APBB2: variants seen among roughly 807,000 people sequenced by gnomAD.
APBB2 encodes amyloid beta precursor protein binding family B member 2.
APBB2 carries 38 observed loss-of-function variants against 82.5 expected under a neutral mutation model. The observed-to-expected ratio is 0.46, with a 90% CI of 0.36 to 0.60. The LOEUF is 0.60. Ranked by LOEUF, APBB2 falls within the 20% of genes least tolerant of loss-of-function variation. The probability of loss-of-function intolerance (pLI) is 0.00; values close to 1 mark genes in which losing one functional copy is unlikely to be tolerated. For missense variants in APBB2, 772 were observed against 972.3 expected, an observed-to-expected ratio of 0.79 and a Z score of 2.74; for synonymous variants, 341 against 368.2, an observed-to-expected ratio of 0.93 and a Z score of 0.85.
chr4:41,114,551 A>G (rs943030561), intron 2 of APBB2, among the ~76,000 whole-genome samples: 4 of 152,230 alleles, frequency 2.6e-5, no homozygotes, highest in African/African-American at 9.6e-5. Context: ...TGCAGATGAC[A>G]TGATTGTGTA....
intron 3 of APBB2, chr4:41,084,567 C>T (rs1410706460): frequency 2.6e-5 from 4 of 152,104 alleles, no homozygotes; most frequent in Admixed American, 6.5e-5. Flanking sequence ...GTTTCTGGTC[C>T]AAAAGAATTG....
intron 2 of APBB2, among the ~76,000 whole-genome samples, chr4:41,121,893 TTGTGTGTGTGTG>T (rs375623687): frequency 2.7e-5 from 4 of 150,282 alleles, no homozygotes; most frequent in Non-Finnish European, 5.9e-5. Flanking sequence ...CCTTTTTTGG[TTGTGTGTGTGTG>T]TGTGTATGTG....
At chr4:41,004,004 C>A (rs757164439) in intron 6 of APBB2, among the ~76,000 whole-genome samples, 1 of 152,078 alleles carries the variant, frequency 6.6e-6, no homozygotes, top group Non-Finnish European at 1.5e-5. Flanking sequence ...TGAGCCACCA[C>A]GCCCAGCCTG....
Position 40,996,262 on chromosome 4 carries a change from A to G in APBB2, c.835+17321T>C, listed in dbSNP as rs573253767. ...TAAGTTGAATTTAATATTTAAGATG[A>G]GGAAAAACGAAGACTGGTTAAACCA... On this transcript the variant is annotated intron_variant, in intron 6 of 17. Coordinates refer to ENST00000508593, the MANE Select transcript of APBB2 (RefSeq NM_004307.2). Among the ~76,000 whole-genome samples, 30 of 152,344 alleles carry G rather than the reference A, an allele frequency of 2.0e-4. No homozygotes were observed. The South Asian group carries it at 5.0e-3, about 25-fold the overall frequency.
intron 12 of APBB2, among the ~76,000 whole-genome samples, chr4:40,838,632 C>T (rs1754826389): frequency 2.0e-5 from 3 of 151,660 alleles, no homozygotes; most frequent in African/African-American, 7.3e-5. Context: ...ACGCGCCTTG[C>T]CAATTTTTGT....
chr4:41,119,661 C>T (rs182676075), intron 2 of APBB2, among the ~76,000 whole-genome samples: 2 of 152,086 alleles, frequency 1.3e-5, no homozygotes, highest in African/African-American at 2.4e-5. Context: ...ATACTATATC[C>T]GATTCCTGCC....
chr4:41,059,109 G>C (rs1249700401), intron 4 of APBB2, among the ~76,000 whole-genome samples: 1 of 152,110 alleles, frequency 6.6e-6, no homozygotes, highest in African/African-American at 2.4e-5. Context: ...CTCCCACCTA[G>C]AGGTATGGCA....
At chr4:41,202,957 T>C (rs1029830426) in intron 1 of APBB2, among the ~76,000 whole-genome samples, 1 of 152,212 alleles carries the variant, frequency 6.6e-6, no homozygotes, top group African/African-American at 2.4e-5. Flanking sequence ...TGTGGCAGTC[T>C]ATCTCATTAT....
chr4:40,890,572 C>G (rs1000833435), intron 11 of APBB2, 81 bp from the exon 12 acceptor site: 1 of 1,553,562 alleles, frequency 6.4e-7, no homozygotes. Flanking sequence ...CTAGGAATGC[C>G]GTGTCAACCA....
intron 1 of APBB2, among the ~76,000 whole-genome samples, chr4:41,195,094 C>T: frequency 6.6e-6 from 1 of 152,110 alleles, no homozygotes; most frequent in Non-Finnish European, 1.5e-5. Context: ...CCTGACCGTG[C>T]TATGTAAGTC....
intron 7 of APBB2, among the ~76,000 whole-genome samples, chr4:40,936,394 A>G (rs1785371715): frequency 6.6e-6 from 1 of 152,134 alleles, no homozygotes; most frequent in African/African-American, 2.4e-5. Context: ...GGGACTATTC[A>G]GGTGCATGCT....
At chr4:40,821,692 G>A (rs147299719) in intron 17 of APBB2, among the ~76,000 whole-genome samples, 179 bp downstream of exon 17, 22 of 152,304 alleles carry the variant, frequency 1.4e-4, no homozygotes, top group African/African-American at 5.3e-4. Context: ...CTGGCCTTTG[G>A]AGATGTAATC....
At chr4:40,943,659 C>G (rs1644101075) in intron 7 of APBB2, among the ~76,000 whole-genome samples, 1 of 152,152 alleles carries the variant, frequency 6.6e-6, no homozygotes, top group Admixed American at 6.5e-5. Context: ...CAAAAATTGC[C>G]CAGGGAGTAG....
At chr4:41,089,287 A>G (rs1490897839) in intron 3 of APBB2, among the ~76,000 whole-genome samples, 2 of 152,222 alleles carry the variant, frequency 1.3e-5, no homozygotes, top group South Asian at 2.1e-4. Flanking sequence ...GGGATTTTGG[A>G]ATATTTGCAT....
chr4:41,083,958 CAA>C (rs1738680459), intron 3 of APBB2, among the ~76,000 whole-genome samples: 1 of 151,846 alleles, frequency 6.6e-6, no homozygotes, highest in African/African-American at 2.4e-5. Flanking sequence ...TCAGTGATTG[CAA>C]GATATATCAA....
intron 12 of APBB2, among the ~76,000 whole-genome samples, chr4:40,873,268 C>T (rs1359399815): frequency 6.6e-6 from 1 of 152,062 alleles, no homozygotes. Context: ...TCTATATCTC[C>T]TCTCTTTTTT....
intron 1 of APBB2, among the ~76,000 whole-genome samples, chr4:41,169,014 G>A (rs759810280): frequency 1.8e-4 from 28 of 151,728 alleles, no homozygotes; most frequent in Non-Finnish European, 2.8e-4. Context: ...GTGAGACCCC[G>A]TCTCTACCAA....
intron 1 of APBB2, among the ~76,000 whole-genome samples, chr4:41,159,411 C>T (rs1365963528): frequency 3.3e-5 from 5 of 152,164 alleles, no homozygotes; most frequent in African/African-American, 1.2e-4. Flanking sequence ...TATTAGCCGA[C>T]TTACTTAACT....
intron 3 of APBB2, among the ~76,000 whole-genome samples, chr4:41,087,932 C>T (rs539309519): frequency 6.6e-5 from 10 of 152,262 alleles, no homozygotes; most frequent in Middle Eastern, 3.4e-3. Flanking sequence ...GCAATAGATG[C>T]GTGGGCCTCC....
Sources: allele counts gnomAD v4.1 joint callset (sites outside exome capture counted in the v4.1 genomes callset), GRCh38; gene constraint gnomAD v4.1.1; transcripts MANE v1.5; gene names NCBI Gene and HGNC (gene_info 2026-07-23, HGNC 2026-07-21).